Variants in NEB observed in about 807,000 individuals in gnomAD.
NEB encodes the protein nemaline myopathy type 2.
Under a neutral mutation model 952.2 loss-of-function variants are expected in NEB, and 512 were observed. The observed-to-expected ratio is 0.54, with a 90% CI of 0.50 to 0.58. The LOEUF (loss-of-function observed/expected upper bound fraction) is 0.58, where lower values mean the gene tolerates loss of function less well. Among genes scored for constraint, NEB ranks in the 20% least tolerant of loss-of-function variants. The pLI is 0.00. For synonymous variants in NEB, 2,900 were observed against 3,149.8 expected (o/e 0.92, Z 2.66); for missense variants, 8,428 against 9,231.1 (o/e 0.91, Z 3.56).
chr2:151,494,524 G>A (rs1368767334), intron 173 of NEB, among the ~76,000 whole-genome samples: 1 of 152,132 alleles, frequency 6.6e-6, no homozygotes, highest in Admixed American at 6.6e-5. Context: ...TCATTTTACC[G>A]CTAGTCTCTC....
chr2:151,532,119 C>G (rs115761880), intron 143 of NEB: 2 of 395,662 alleles, frequency 5.1e-6, no homozygotes, highest in East Asian at 9.8e-5. Flanking sequence ...CCCTCCGAGA[C>G]GGAGTCTTAC....
rs772892315 is a variant in NEB at position 151,656,317 on chromosome 2, T to C, written c.6331A>G (p.Thr2111Ala). 6.2e-7 allele frequency: 1 copy of C among 1,613,710 alleles called. No individual in the cohort carries two copies. The highest frequency in any genetic ancestry group is 8.5e-7 in the Non-Finnish European group (1 of 1,179,748). ...EYKKNYENTK[T>A]SYHTPADMLS... is the part of the protein sequence containing the mutation. ...ATGTCGGCAGGGGTGTGGTAGCTGG[T>C]CTTTGTGTTCTCATAGTTTTTCTTG... Residue 2111 changes from threonine to alanine, a missense_variant, in exon 49 of 182, where the codon ACC becomes GCC. By Grantham distance (58) the Thr-to-Ala change is moderately conservative. Coordinates refer to ENST00000397345, the MANE Select transcript of NEB (RefSeq NM_001164508.2).
At chr2:151,647,918 C>T (rs74831611) in intron 54 of NEB, among the ~76,000 whole-genome samples, 5,530 of 152,196 alleles carry the variant, frequency 0.036, 189 homozygotes, top group African/African-American at 0.081. Context: ...GAAATTAATT[C>T]TGTGATTTTA....
chr2:151,707,514 T>C (rs1299194102), intron 12 of NEB, among the ~76,000 whole-genome samples: 2 of 151,714 alleles, frequency 1.3e-5, no homozygotes, highest in African/African-American at 2.4e-5. Flanking sequence ...AATTTACAAG[T>C]AGGAGGAGGA....
rs1418652510 is a variant in NEB, at chr2:151,633,815, T to C, written c.9253A>G (p.Lys3085Glu). 1 of 1,613,964 alleles carries C rather than the reference T, an allele frequency of 6.2e-7. No individual in the cohort carries two copies. Among genetic ancestry groups the C allele is most frequent in the South Asian group, 1.1e-5 (1 of 91,080 alleles). ...AGCATGTCCACTGGGCTGCTGAACTTGGTCTTCCACTTCTCAAAGTCCTTT... is the reference window on the plus strand; with the variant it reads ...AGCATGTCCACTGGGCTGCTGAACTCGGTCTTCCACTTCTCAAAGTCCTTT... ...YKKDFEKWKT[K>E]FSSPVDMLGV... Residue 3085 changes from lysine (K) to glutamate (E), a missense_variant, in exon 65 of 182, where the codon AAG becomes GAG. By Grantham distance (56) the Lys-to-Glu change is moderately conservative. Transcript: ENST00000397345.
chr2:151,611,788 C>T (rs1176022553), intron 78 of NEB, among the ~76,000 whole-genome samples: 9 of 152,186 alleles, frequency 5.9e-5, no homozygotes, highest in Admixed American at 5.9e-4. Context: ...TGCTATGAAA[C>T]ACTATGTGTA....
intron 95 of NEB, among the ~76,000 whole-genome samples, chr2:151,591,821 G>A (rs2097283855): frequency 6.6e-6 from 1 of 152,304 alleles, no homozygotes; most frequent in Non-Finnish European, 1.5e-5. Flanking sequence ...TGTGTTTTTG[G>A]AGAAACCATT....
chr2:151,546,419 C>A lies in NEB; in HGVS notation c.20392G>T (p.Val6798Phe). 6.2e-7 allele frequency: 1 copy of A among 1,613,238 alleles called. No individual in the cohort carries two copies. The highest frequency in any genetic ancestry group is 8.5e-7 in the Non-Finnish European group (1 of 1,179,310). The stretch of plus-strand genomic sequence containing the variant: ...AGGAAGCAGCCAAATCCCTTCAGGA[C>A]CTGCAAGTCCTCTTTGTATTTAATC... ...SDIKYKEDLQ[V>F]LKGFGCFLYD... Residue 6798 changes from valine (V) to phenylalanine (F), a missense_variant, in exon 134 of 182, where the codon GTC (valine) becomes TTC (phenylalanine). By Grantham distance (50) the Val-to-Phe change is conservative (BLOSUM62 -1). Transcript: ENST00000397345.
intron 55 of NEB, among the ~76,000 whole-genome samples, chr2:151,645,157 G>C (rs771381367): frequency 6.6e-6 from 1 of 152,172 alleles, no homozygotes; most frequent in Non-Finnish European, 1.5e-5. Flanking sequence ...GCAAGAATCA[G>C]GCAGAAGTAA....
intron 130 of NEB, among the ~76,000 whole-genome samples, chr2:151,548,690 T>C (rs531664908): frequency 2.0e-5 from 3 of 152,354 alleles, no homozygotes; most frequent in African/African-American, 7.2e-5. Flanking sequence ...AGAAAAATCT[T>C]TATTTTTAGC....
Position 151,547,517 on chromosome 2 carries a change from T to C in NEB, c.20279A>G (p.Asp6760Gly), listed in dbSNP as rs1413575277. 2 of 1,605,400 alleles carry C rather than the reference T, an allele frequency of 1.2e-6. No homozygotes were observed. The highest frequency in any genetic ancestry group is 1.1e-5 in the South Asian group (1 of 89,248). ...CATGTGGCCCTGCATCTTGAAGAAG[T>C]CTGATTTGTAGATCAACTAAAGAAA... ...EAVSELIYKS[D>G]FFKMQGHMIS... is the part of the protein sequence containing the mutation. Residue 6760 changes from aspartate (D) to glycine (G), a missense_variant, in exon 133 of 182, where the codon GAC (aspartate) becomes GGC (glycine). Physicochemically the swap from Asp to Gly is moderately conservative, Grantham distance 94. This residue lies in a region of NEB where 3,374 missense variants were observed against 3,651.5 expected (regional missense o/e 0.92). Transcript: ENST00000397345.
intron 68 of NEB, 72 bp downstream of exon 68, chr2:151,629,467 A>G (rs1381258597): frequency 3.2e-6 from 4 of 1,263,188 alleles, no homozygotes; most frequent in Non-Finnish European, 3.4e-6. Flanking sequence ...TGGCCCCCAA[A>G]TGTTATAATA....
At chr2:151,543,865 T>C (rs2094398501) in intron 135 of NEB, among the ~76,000 whole-genome samples, 1 of 152,250 alleles carries the variant, frequency 6.6e-6, no homozygotes, top group Non-Finnish European at 1.5e-5. Flanking sequence ...CTTATGCTTC[T>C]TGGGACAACG....
At chr2:151,555,215 C>T (rs1029315330) in intron 124 of NEB, among the ~76,000 whole-genome samples, 171 bp from the exon 125 acceptor site, 1 of 152,170 alleles carries the variant, frequency 6.6e-6, no homozygotes, top group Admixed American at 6.5e-5. Flanking sequence ...ACAGCAGTAG[C>T]GCCTGCCATG....
rs766674333 is a variant in NEB at position 151,684,959 on chromosome 2, T to A, written c.2654A>T (p.Asp885Val). 19 of 1,608,284 alleles carry A rather than the reference T, an allele frequency of 1.2e-5. No homozygotes were observed. The highest frequency in any genetic ancestry group is 1.6e-5 in the Non-Finnish European group (19 of 1,177,022). The change falls in exon 28 of 182, where the codon GAT (aspartate) becomes GTT (valine). Residue 885 changes from aspartate to valine, a missense_variant. Coordinates refer to ENST00000397345, the MANE Select transcript of NEB (RefSeq NM_001164508.2). ...KNQSDREYRK[D>V]YEKSKTIYTA... ...GTAGATAGTTTTTGACTTTTCATAA[T>A]CTTTTCGATATTCGCGCTGTGAATA...
In NEB at chr2:151,575,725, G is replaced by A. The variant is rs377481097; in HGVS notation, c.16983C>T (p.Leu5661=). 98 of 1,607,620 alleles carry A rather than the reference G, an allele frequency of 6.1e-5. No homozygotes were observed. Among genetic ancestry groups the A allele is most frequent in the East Asian group, 3.3e-4 (15 of 44,864 alleles). ...HIMPDTPEIN[L]ARANALNVSN... ...TCACATTAAGAGCATTTGCTCTAGCGAGATTAATTTCTGGAGTATCTGGCA... is the reference window on the plus strand; with the variant it reads ...TCACATTAAGAGCATTTGCTCTAGCAAGATTAATTTCTGGAGTATCTGGCA... The change falls in exon 107 of 182, where the codon CTC becomes CTT. Residue 5661 remains leucine (L), a synonymous_variant. Coordinates refer to ENST00000397345, the MANE Select transcript of NEB (RefSeq NM_001164508.2).
chr2:151,610,912 A>G (rs1401968857), intron 78 of NEB, 46 bp from the exon 79 acceptor site: 10 of 1,234,330 alleles, frequency 8.1e-6, no homozygotes, highest in Non-Finnish European at 9.0e-6. Flanking sequence ...GAGGGAGTAT[A>G]AGACCTTCTG....
chr2:151,625,610 T>A lies in NEB; in HGVS notation c.10376A>T (p.Asp3459Val). Reference protein sequence around the residue: ...KRLYTEAWDKDKTQVHIMPDT... With the variant: ...KRLYTEAWDKVKTQVHIMPDT... ...AGGCATAATATGGACTTGGGTCTTGTCTTTGTCCCAGGCTTCTGTGTATAA... is the reference window on the plus strand; with the variant it reads ...AGGCATAATATGGACTTGGGTCTTGACTTTGTCCCAGGCTTCTGTGTATAA... The change falls in exon 71 of 182, where the codon GAC (aspartate) becomes GTC (valine). Residue 3459 changes from aspartate to valine, a missense_variant. Around this residue, in one of 11 missense-constraint regions of NEB, gnomAD observed 1,772 missense variants for 1,960.3 expected, o/e 0.90. Coordinates refer to ENST00000397345, the MANE Select transcript of NEB (RefSeq NM_001164508.2). The A allele has an allele frequency of 6.2e-7, 1 of 1,606,372 alleles. No homozygotes were observed. Among genetic ancestry groups the A allele is most frequent in the South Asian group, 1.1e-5 (1 of 90,014 alleles).
In NEB at chr2:151,727,886, C is replaced by T. The variant is rs1050135264; in HGVS notation, c.99G>A (p.Glu33=). 5 of 1,613,214 alleles carry T rather than the reference C, an allele frequency of 3.1e-6. No homozygotes were observed. In the East Asian group the frequency reaches 8.9e-5, roughly 29 times the overall value. Residue 33 remains glutamate, a synonymous_variant, in exon 5 of 182, where the codon GAG becomes GAA. Transcript: ENST00000397345. ...VPGETITKIY[E]TTTTRTSDYE... Reference sequence around the variant, plus strand: ...AGTCAGATGTCCTTGTTGTCGTAGTCTCATAAATTTTTGTTATTGTCTGAA... The same window carrying T: ...AGTCAGATGTCCTTGTTGTCGTAGTTTCATAAATTTTTGTTATTGTCTGAA...
Sources: allele counts gnomAD v4.1 joint callset (sites outside exome capture counted in the v4.1 genomes callset), GRCh38; gene constraint gnomAD v4.1.1; regional missense constraint gnomAD v4.1.1; transcripts MANE v1.5; gene names NCBI Gene and HGNC (gene_info 2026-07-23, HGNC 2026-07-21).